RABGAP1L: variants seen among roughly 807,000 people sequenced by gnomAD.
The protein encoded by RABGAP1L is RAB GTPase activating protein 1 like, also known as rab GTPase-activating protein 1-like.
A neutral mutation model predicts 137.7 loss-of-function variants in RABGAP1L; 63 were observed. That is an observed-to-expected ratio of 0.46 (90% CI 0.37 to 0.56). The LOEUF (loss-of-function observed/expected upper bound fraction) is 0.56. RABGAP1L is among the 20% of genes least tolerant of loss of function. The pLI is 0.00. For missense variants in RABGAP1L, 1,095 were observed against 1,244.0 expected, an observed-to-expected ratio of 0.88 and a Z score of 1.80; for synonymous variants, 431 against 433.7, an observed-to-expected ratio of 0.99 and a Z score of 0.08.
At chr1:174,408,977 C>T (rs561256437) in intron 13 of RABGAP1L, among the ~76,000 whole-genome samples, 13 of 152,142 alleles carry the variant, frequency 8.5e-5, no homozygotes, top group South Asian at 4.1e-4. Flanking sequence ...TTGTCAGATA[C>T]GTAGTTTCTG....
intron 11 of RABGAP1L, among the ~76,000 whole-genome samples, chr1:174,349,032 C>G (rs1251466415): frequency 7.0e-6 from 1 of 143,340 alleles, no homozygotes; most frequent in African/African-American, 2.5e-5. Context: ...CCGGACAGGG[C>G]GGCTGGCCGG....
At chr1:174,444,551 G>C (rs113581471) in intron 13 of RABGAP1L, among the ~76,000 whole-genome samples, 1 of 152,000 alleles carries the variant, frequency 6.6e-6, no homozygotes, top group Admixed American at 6.6e-5. Context: ...GTAGAATTCA[G>C]CAGTGAAGCC....
intron 19 of RABGAP1L, among the ~76,000 whole-genome samples, chr1:174,948,002 T>G (rs1426380858): frequency 6.6e-6 from 1 of 152,070 alleles, no homozygotes; most frequent in African/African-American, 2.4e-5. Flanking sequence ...TCAGGCCAAT[T>G]CATAAAAGCT....
intron 13 of RABGAP1L, among the ~76,000 whole-genome samples, chr1:174,508,713 A>G (rs1370145411): frequency 6.6e-6 from 1 of 152,220 alleles, no homozygotes; most frequent in African/African-American, 2.4e-5. Context: ...GACCAGGGAT[A>G]TCTCATGGAA....
chr1:174,561,796 A>G (rs2148018539), intron 13 of RABGAP1L, among the ~76,000 whole-genome samples: 1 of 152,362 alleles, frequency 6.6e-6, no homozygotes, highest in South Asian at 2.1e-4. Flanking sequence ...AAAACTGGCT[A>G]GCCATAAGCA....
intron 13 of RABGAP1L, among the ~76,000 whole-genome samples, chr1:174,603,761 T>C (rs993770733): frequency 6.6e-6 from 1 of 151,844 alleles, no homozygotes; most frequent in Non-Finnish European, 1.5e-5. Flanking sequence ...CCCATGCAGA[T>C]GATGAATGCC....
At chr1:174,492,266 C>T (rs1285617707) in intron 13 of RABGAP1L, among the ~76,000 whole-genome samples, 4 of 150,382 alleles carry the variant, frequency 2.7e-5, no homozygotes, top group South Asian at 2.1e-4. Context: ...CTGCAACCTC[C>T]GCCTCCCAGG....
chr1:174,475,658 A>G (rs1364033799), intron 13 of RABGAP1L, among the ~76,000 whole-genome samples: 1 of 151,340 alleles, frequency 6.6e-6, no homozygotes, highest in Non-Finnish European at 1.5e-5. Flanking sequence ...ATACAATCCC[A>G]GCTCTGGGAG....
chr1:174,824,521 G>A (rs1310715193), intron 19 of RABGAP1L, among the ~76,000 whole-genome samples: 1 of 152,062 alleles, frequency 6.6e-6, no homozygotes, highest in Non-Finnish European at 1.5e-5. Flanking sequence ...AAACTTAAAT[G>A]AAACTTAGGT....
intron 17 of RABGAP1L, among the ~76,000 whole-genome samples, chr1:174,741,001 C>T (rs560666075): frequency 1.3e-5 from 2 of 149,800 alleles, no homozygotes; most frequent in East Asian, 1.9e-4. Flanking sequence ...ATATTTTATC[C>T]CATTCTGCAG....
chr1:174,629,698 A>G (rs1033725114), intron 13 of RABGAP1L, among the ~76,000 whole-genome samples: 4 of 151,792 alleles, frequency 2.6e-5, no homozygotes, highest in Non-Finnish European at 5.9e-5. Flanking sequence ...AATTTTTTGT[A>G]TTTTTTAGTA....
chr1:174,413,515 T>C (rs544246445), intron 13 of RABGAP1L, among the ~76,000 whole-genome samples: 3 of 152,280 alleles, frequency 2.0e-5, no homozygotes, highest in East Asian at 1.9e-4. Context: ...TGTCACTACA[T>C]TGAGATTTTT....
At chr1:174,655,050 A>G (rs1675862997) in intron 14 of RABGAP1L, among the ~76,000 whole-genome samples, 1 of 152,206 alleles carries the variant, frequency 6.6e-6, no homozygotes, top group Admixed American at 6.5e-5. Context: ...AAACTCATAA[A>G]AGCTACAAGT....
At chr1:174,498,015 G>A (rs1165191833) in intron 13 of RABGAP1L, among the ~76,000 whole-genome samples, 1 of 152,134 alleles carries the variant, frequency 6.6e-6, no homozygotes, top group Non-Finnish European at 1.5e-5. Context: ...CCCTGAAAGT[G>A]CATTACCTTA....
intron 18 of RABGAP1L, among the ~76,000 whole-genome samples, chr1:174,768,881 C>A (rs535402824): frequency 6.6e-6 from 1 of 152,286 alleles, no homozygotes; most frequent in South Asian, 2.1e-4. Flanking sequence ...TTGCTGCAGA[C>A]CTGTACAGAT....
intron 13 of RABGAP1L, among the ~76,000 whole-genome samples, chr1:174,549,240 C>T (rs929900874): frequency 6.6e-6 from 1 of 152,080 alleles, no homozygotes; most frequent in African/African-American, 2.4e-5. Flanking sequence ...TTTCAGTATA[C>T]TAGTAGATCT....
intron 13 of RABGAP1L, among the ~76,000 whole-genome samples, chr1:174,627,712 A>G (rs1177482605): frequency 6.6e-6 from 1 of 152,178 alleles, no homozygotes; most frequent in East Asian, 1.9e-4. Flanking sequence ...TGAAAGGCAG[A>G]TTTAGTTTCT....
chr1:174,349,884 A>G (rs1682929879), intron 11 of RABGAP1L, among the ~76,000 whole-genome samples: 2 of 130,304 alleles, frequency 1.5e-5, no homozygotes, highest in Non-Finnish European at 3.3e-5. Flanking sequence ...TCCCTCCTGG[A>G]TGGGGCGGCT....
At chr1:174,185,702 A>T (rs1189717036) in intron 1 of RABGAP1L, among the ~76,000 whole-genome samples, 1 of 152,196 alleles carries the variant, frequency 6.6e-6, no homozygotes, top group Non-Finnish European at 1.5e-5. Context: ...TTATTGTTAA[A>T]TGTTTAGATT....
Sources: gnomAD v4.1 joint callset for allele counts (sites outside exome capture counted in the v4.1 genomes callset) on GRCh38, gnomAD v4.1.1 for gene constraint, MANE v1.5 for transcripts, NCBI Gene and HGNC (gene_info 2026-07-23, HGNC 2026-07-21) for gene names.